HDAC4: variants seen among roughly 807,000 people sequenced by gnomAD.
The protein encoded by HDAC4 is histone deacetylase 4.
Under a neutral mutation model 135.1 loss-of-function variants are expected in HDAC4, and 16 were observed. The observed-to-expected ratio is 0.12, with a 90% confidence interval of 0.08 to 0.18. The LOEUF is 0.18. Among genes scored for constraint, HDAC4 ranks in the 10% least tolerant of loss-of-function variants. The pLI is 1.00. For missense variants in HDAC4, 1,143 were observed against 1,511.8 expected (o/e 0.76, Z 4.05); for synonymous variants, 685 against 653.4 (o/e 1.05, Z -0.74).
intron 1 of HDAC4, among the ~76,000 whole-genome samples, chr2:239,359,282 G>A (rs1017483107): frequency 2.0e-5 from 3 of 152,288 alleles, no homozygotes; most frequent in African/African-American, 4.8e-5. Context: ...ACACTGAAAC[G>A]TCCGAAAGTT....
intron 7 of HDAC4, among the ~76,000 whole-genome samples, chr2:239,149,543 G>A (rs1236539055): frequency 6.6e-6 from 1 of 152,116 alleles, no homozygotes; most frequent in Non-Finnish European, 1.5e-5. Flanking sequence ...TGAACGCACT[G>A]CCGCTAAGCA....
chr2:239,132,635 C>T (rs2040672646), intron 11 of HDAC4, among the ~76,000 whole-genome samples: 1 of 152,168 alleles, frequency 6.6e-6, no homozygotes, highest in Admixed American at 6.5e-5. Context: ...GAAGCAACGC[C>T]GAGTTCAGTG....
In HDAC4 at chr2:239,167,738, T is replaced by C. The variant is rs976034545; in HGVS notation, c.491-3815A>G. ...AATTTTTACTTTTACTTTTTTTTTT[T>C]TTTTCTTAATTCACATTGAGTATCA... On this transcript the variant is annotated intron_variant, in intron 5 of 26. Coordinates refer to ENST00000543185, the MANE Select transcript of HDAC4 (RefSeq NM_001378414.1). This position sits in a 1 kb window ranked among gnomAD's most constrained non-coding sequence, Gnocchi z 4.1. Among the ~76,000 whole-genome samples, 1 of 151,978 alleles carries C rather than the reference T, an allele frequency of 6.6e-6. No individual in the cohort carries two copies. The highest frequency in any genetic ancestry group is 2.4e-5 in the African/African-American group (1 of 41,378).
At chr2:239,379,570 G>A (rs950537004) in intron 1 of HDAC4, among the ~76,000 whole-genome samples, 11 of 152,114 alleles carry the variant, frequency 7.2e-5, no homozygotes, top group Non-Finnish European at 1.3e-4. Flanking sequence ...CCCAGTGCCC[G>A]CCCTGCTCTC....
intron 17 of HDAC4, among the ~76,000 whole-genome samples, chr2:239,093,077 C>A (rs2036675586): frequency 6.6e-6 from 1 of 152,142 alleles, no homozygotes; most frequent in African/African-American, 2.4e-5. Flanking sequence ...GAGAGCAGGC[C>A]AGGACTCCGC....
intron 17 of HDAC4, chr2:239,094,684 C>G: frequency 8.2e-7 from 1 of 1,216,892 alleles, no homozygotes; most frequent in African/African-American, 1.6e-5. Context: ...ATACTCGTGG[C>G]CTGATGTGAG....
At chr2:239,143,932 G>C (rs1417702182) in intron 8 of HDAC4, among the ~76,000 whole-genome samples, 1 of 152,220 alleles carries the variant, frequency 6.6e-6, no homozygotes, top group Non-Finnish European at 1.5e-5. Flanking sequence ...TTCAGGAGTG[G>C]TGGGGTGAGG....
Position 239,050,971 on chromosome 2 carries a change from C to T in HDAC4, c.*2126G>A, listed in dbSNP as rs1017375344. Reference sequence around the variant, plus strand: ...GGCCACGTGGCTGCAGTGGAAAAACCCAAGTGGGTAAAGAGCCCCACGTGT... The same window carrying T: ...GGCCACGTGGCTGCAGTGGAAAAACTCAAGTGGGTAAAGAGCCCCACGTGT... On this transcript the variant is annotated 3_prime_UTR_variant, in exon 27 of 27. Coordinates refer to ENST00000543185, the MANE Select transcript of HDAC4 (RefSeq NM_001378414.1). 1.3e-5 allele frequency: 2 copies of T among 152,602 alleles called. No homozygotes were observed. Among genetic ancestry groups the T allele is most frequent in the Non-Finnish European group, 2.9e-5 (2 of 68,032 alleles). The allele number at this position is 152,602 out of a possible 1,614,324, so 9.5% of individuals were successfully genotyped here.
intron 1 of HDAC4, among the ~76,000 whole-genome samples, chr2:239,356,089 T>C (rs1261914643): frequency 6.6e-6 from 1 of 152,218 alleles, no homozygotes; most frequent in Non-Finnish European, 1.5e-5. Context: ...AACTATGCTA[T>C]TTCATCACCA....
At chr2:239,053,338 C>G in intron 26 of HDAC4, 122 bp downstream of exon 26, 1 of 1,410,038 alleles carries the variant, frequency 7.1e-7, no homozygotes, top group East Asian at 2.3e-5. Flanking sequence ...GGGGGCCACA[C>G]TGGCCTGTCT....
At chr2:239,260,872 C>G (rs1466433051) in intron 2 of HDAC4, among the ~76,000 whole-genome samples, 1 of 152,160 alleles carries the variant, frequency 6.6e-6, no homozygotes, top group African/African-American at 2.4e-5. Flanking sequence ...CACCTTGAAC[C>G]TGAGAAGGAG....
intron 5 of HDAC4, among the ~76,000 whole-genome samples, chr2:239,175,460 T>C (rs1439747336): frequency 6.6e-6 from 1 of 152,226 alleles, no homozygotes; most frequent in Admixed American, 6.5e-5. Flanking sequence ...TTTTCCTCAG[T>C]AGATGCGTCC....
At chr2:239,063,778 G>GT (rs535455232) in intron 24 of HDAC4, among the ~76,000 whole-genome samples, 136 of 152,266 alleles carry the variant, frequency 8.9e-4, no homozygotes, top group African/African-American at 3.3e-3. Context: ...TGCCCTTGGC[G>GT]TCCTCTACTT....
chr2:239,229,427 G>T (rs539835355), intron 3 of HDAC4, among the ~76,000 whole-genome samples: 9 of 152,272 alleles, frequency 5.9e-5, no homozygotes, highest in African/African-American at 2.2e-4. Context: ...TGAACTAAGA[G>T]AATCAAACCA....
rs554158848 is a variant in HDAC4 at position 239,374,695 on chromosome 2, G to A, written c.-219-21777C>T. Among the ~76,000 whole-genome samples the A allele has an allele frequency of 4.3e-4, 66 of 152,278 alleles. 1 individual carries two copies. Among genetic ancestry groups the A allele is most frequent in the African/African-American group, 1.4e-3 (60 of 41,554 alleles). ...TGGGATTACAGGCGTGAGCCACCGC[G>A]CCCGGCCAACAAGGCTTTAAAAATT... On this transcript the variant is annotated intron_variant, in intron 1 of 26. Coordinates refer to ENST00000543185, the MANE Select transcript of HDAC4 (RefSeq NM_001378414.1).
At position 239,136,524 on chromosome 2, in the gene HDAC4, C is replaced by G. The variant is rs957365563; in HGVS notation, c.979-1881G>C. On this transcript the variant is annotated intron_variant, in intron 9 of 26. Coordinates refer to ENST00000543185, the MANE Select transcript of HDAC4 (RefSeq NM_001378414.1). ...ACCTCAAAAGCACAGGCAACAAAAACGAAAACAGGCAACTGGGACTCTGCT... is the reference window on the plus strand; with the variant it reads ...ACCTCAAAAGCACAGGCAACAAAAAGGAAAACAGGCAACTGGGACTCTGCT... 3.9e-5 allele frequency among the ~76,000 whole-genome samples: 6 copies of G among 152,244 alleles called. No individual in the cohort carries two copies. The East Asian group carries it at 1.2e-3, about 29-fold the overall frequency.
At chr2:239,379,428 C>A (rs1186291532) in intron 1 of HDAC4, among the ~76,000 whole-genome samples, 1 of 152,174 alleles carries the variant, frequency 6.6e-6, no homozygotes, top group African/African-American at 2.4e-5. Context: ...GGAGCCACTG[C>A]CCTCTTCTGC....
At chr2:239,063,851 C>T (rs528246369) in intron 24 of HDAC4, among the ~76,000 whole-genome samples, 2 of 152,364 alleles carry the variant, frequency 1.3e-5, no homozygotes, top group African/African-American at 2.4e-5. Context: ...CTTCCCTGAC[C>T]GCCAGCTCCC....
chr2:239,145,489 G>T (rs1005482581), intron 7 of HDAC4, among the ~76,000 whole-genome samples: 5 of 152,206 alleles, frequency 3.3e-5, no homozygotes, highest in Admixed American at 3.3e-4. Context: ...CCAAACCTCC[G>T]GCGCGAGGCC....
Sources: gnomAD v4.1 joint callset for allele counts (sites outside exome capture counted in the v4.1 genomes callset) on GRCh38, gnomAD v4.1.1 for gene constraint, Gnocchi (gnomAD v3.1) non-coding constraint, MANE v1.5 for transcripts, NCBI Gene and HGNC (gene_info 2026-07-23, HGNC 2026-07-21) for gene names.